ACOT13: variants seen among roughly 807,000 people sequenced by gnomAD.
ACOT13 encodes the protein acyl-CoA thioesterase 13.
ACOT13 carries 10 observed loss-of-function variants against 11.8 expected under a neutral mutation model. The ratio of observed to expected loss-of-function variants is 0.85; its 90% confidence interval spans 0.53 to 1.44. The LOEUF (loss-of-function observed/expected upper bound fraction) is 1.44, where lower values mean the gene tolerates loss of function less well. Ranked by LOEUF, ACOT13 falls within the 40% of genes most tolerant of loss-of-function variation. The probability of loss-of-function intolerance (pLI) is 0.00; values close to 1 mark genes in which losing one functional copy is unlikely to be tolerated. For missense variants in ACOT13, 172 were observed against 174.1 expected (o/e 0.99, Z 0.07); for synonymous variants, 53 against 61.0 (o/e 0.87, Z 0.61).
intron 1 of ACOT13, among the ~76,000 whole-genome samples, chr6:24,688,938 A>C (rs531008082): frequency 1.4e-4 from 21 of 152,348 alleles, no homozygotes; most frequent in Middle Eastern, 3.4e-3. Context: ...CAAAAGACAT[A>C]AATAGGCTGT....
At chr6:24,671,539 C>G (rs768176895) in intron 1 of ACOT13, among the ~76,000 whole-genome samples, 1 of 152,048 alleles carries the variant, frequency 6.6e-6, no homozygotes, top group Non-Finnish European at 1.5e-5. Flanking sequence ...TGCAGCAAAC[C>G]AACATGGCAC....
intron 1 of ACOT13, among the ~76,000 whole-genome samples, chr6:24,696,005 C>T (rs1269107474): frequency 3.9e-5 from 6 of 152,076 alleles, no homozygotes; most frequent in African/African-American, 1.5e-4. Context: ...TTGCAGTGAG[C>T]CGAGATCAAG....
intron 1 of ACOT13, among the ~76,000 whole-genome samples, chr6:24,683,979 C>T (rs1370846570): frequency 2.0e-5 from 3 of 151,384 alleles, no homozygotes; most frequent in South Asian, 2.1e-4. Flanking sequence ...AACCTAAGAA[C>T]GTTTAGGGGG....
intron 1 of ACOT13, among the ~76,000 whole-genome samples, chr6:24,675,037 C>T (rs1217589127): frequency 4.6e-5 from 7 of 152,158 alleles, no homozygotes; most frequent in African/African-American, 1.2e-4. Context: ...CAGCTTCATC[C>T]GTGTCCCTAC....
intron 1 of ACOT13, among the ~76,000 whole-genome samples, chr6:24,670,996 G>C (rs886064959): frequency 3.9e-5 from 6 of 152,042 alleles, no homozygotes; most frequent in Admixed American, 6.5e-5. Context: ...GAATAGTTAC[G>C]TTTTTACACT....
intron 1 of ACOT13, among the ~76,000 whole-genome samples, chr6:24,690,849 G>C (rs1223620843): frequency 6.6e-6 from 1 of 152,092 alleles, no homozygotes; most frequent in Non-Finnish European, 1.5e-5. Flanking sequence ...TGCCCCATTT[G>C]CCTGCCATTT....
intron 1 of ACOT13, among the ~76,000 whole-genome samples, chr6:24,667,642 CAGAGA>C (rs1329396880): frequency 6.6e-6 from 1 of 152,132 alleles, no homozygotes. Context: ...TGCATTGCTC[CAGAGA>C]AGAGTAAGAG....
intron 1 of ACOT13, among the ~76,000 whole-genome samples, chr6:24,685,892 G>A (rs970470318): frequency 6.6e-6 from 1 of 152,058 alleles, no homozygotes; most frequent in Non-Finnish European, 1.5e-5. Flanking sequence ...CATTGACTTA[G>A]AACAAAGATT....
At chr6:24,677,974 A>G (rs1343577905) in intron 1 of ACOT13, among the ~76,000 whole-genome samples, 1 of 152,202 alleles carries the variant, frequency 6.6e-6, no homozygotes, top group Non-Finnish European at 1.5e-5. Context: ...CACAGGTAGC[A>G]AGGAAATTTA....
Position 24,686,579 on chromosome 6 carries a change from C to A in ACOT13, c.82-11304C>A, listed in dbSNP as rs954674969. Among the ~76,000 whole-genome samples, 8 of 149,168 alleles carry A rather than the reference C, an allele frequency of 5.4e-5. No individual in the cohort carries two copies. The East Asian group carries it at 1.6e-3, about 30-fold the overall frequency. On this transcript the variant is annotated intron_variant, in intron 1 of 2. Coordinates refer to ENST00000230048, the MANE Select transcript of ACOT13 (RefSeq NM_018473.4). ...ATTTTATTTTATTCTATTCTTTTTT[C>A]TTTTCTTTCCTTCCTTCCTTTCTTT...
At chr6:24,678,108 G>A (rs1198170416) in intron 1 of ACOT13, among the ~76,000 whole-genome samples, 1 of 152,160 alleles carries the variant, frequency 6.6e-6, no homozygotes, top group Non-Finnish European at 1.5e-5. Flanking sequence ...GCTAATGCCT[G>A]GCCAAATAGA....
intron 1 of ACOT13, among the ~76,000 whole-genome samples, chr6:24,682,976 C>T (rs1227334656): frequency 2.6e-5 from 4 of 152,170 alleles, no homozygotes; most frequent in Non-Finnish European, 5.9e-5. Flanking sequence ...TTTTAGTGAG[C>T]TCTCTGATTG....
At chr6:24,690,844 C>T (rs901390925) in intron 1 of ACOT13, among the ~76,000 whole-genome samples, 8 of 152,180 alleles carry the variant, frequency 5.3e-5, no homozygotes, top group Non-Finnish European at 1.0e-4. Flanking sequence ...ACCCTTGCCC[C>T]ATTTGCCTGC....
chr6:24,669,432 G>A (rs530770553), intron 1 of ACOT13, among the ~76,000 whole-genome samples: 2 of 152,288 alleles, frequency 1.3e-5, no homozygotes, highest in South Asian at 4.1e-4. Flanking sequence ...ATGAGCAGAG[G>A]GATGACTTTG....
At chr6:24,667,570 CGTG>C (rs1468544289) in intron 1 of ACOT13, among the ~76,000 whole-genome samples, 3 of 152,156 alleles carry the variant, frequency 2.0e-5, no homozygotes, top group Admixed American at 6.5e-5. Context: ...GGTTATGACT[CGTG>C]GAGACAGTTC....
At chr6:24,684,453 C>G (rs1418351021) in intron 1 of ACOT13, among the ~76,000 whole-genome samples, 1 of 152,136 alleles carries the variant, frequency 6.6e-6, no homozygotes, top group Non-Finnish European at 1.5e-5. Context: ...ATCCTCATAC[C>G]TTGAACAGAC....
In ACOT13 at chr6:24,679,304, A is replaced by G. The variant is rs146424916; in HGVS notation, c.81+11960A>G. Among the ~76,000 whole-genome samples the G allele has an allele frequency of 9.0e-3, 1,369 of 152,196 alleles. 28 individuals are homozygous for G. The highest frequency in any genetic ancestry group is 0.031 in the African/African-American group (1,300 of 41,502). ...TAAAAAACCGAGGTTGCCAAGTTCA[A>G]TAGGGTCTAAGTTTTGCTCTGGGCC... On this transcript the variant is annotated intron_variant, in intron 1 of 2. Transcript: ENST00000230048.
intron 2 of ACOT13, among the ~76,000 whole-genome samples, chr6:24,699,366 T>A (rs565465347): frequency 6.6e-6 from 1 of 151,990 alleles, no homozygotes; most frequent in Non-Finnish European, 1.5e-5. Context: ...CCTGCCACCA[T>A]GCCCGACTAA....
chr6:24,674,490 C>G (rs1187192403), intron 1 of ACOT13, among the ~76,000 whole-genome samples: 1 of 152,284 alleles, frequency 6.6e-6, no homozygotes, highest in East Asian at 1.9e-4. Flanking sequence ...CTGAGTGCAG[C>G]GTCTGCTTCC....
Sources: allele counts gnomAD v4.1 joint callset (sites outside exome capture counted in the v4.1 genomes callset), GRCh38; gene constraint gnomAD v4.1.1; transcripts MANE v1.5; gene names NCBI Gene and HGNC (gene_info 2026-07-23, HGNC 2026-07-21).